CLDN10: variants seen among roughly 807,000 people sequenced by gnomAD.
CLDN10 encodes claudin 10.
Under a neutral mutation model 22.9 loss-of-function variants are expected in CLDN10, and 15 were observed. That is an observed-to-expected ratio of 0.65 (90% CI 0.44 to 1.01). CLDN10 has a LOEUF of 1.01. CLDN10 is among the 50% of genes least tolerant of loss of function. CLDN10 has a pLI of 0.00. For synonymous variants in CLDN10, 114 were observed against 111.4 expected (o/e 1.02, Z -0.15); for missense variants, 247 against 287.8 (o/e 0.86, Z 1.03).
chr13:95,546,240 CAA>C (rs1594602318), intron 1 of CLDN10, among the ~76,000 whole-genome samples: 1 of 152,204 alleles, frequency 6.6e-6, no homozygotes, highest in East Asian at 1.9e-4. Context: ...ACTCTGTACA[CAA>C]AGAGTTGTCT....
At chr13:95,446,198 T>C (rs987996008) in intron 1 of CLDN10, among the ~76,000 whole-genome samples, 2 of 152,060 alleles carry the variant, frequency 1.3e-5, no homozygotes, top group Non-Finnish European at 2.9e-5. Flanking sequence ...CCAGAGGAGG[T>C]CGAGGGGGTT....
At chr13:95,535,356 G>T (rs566639847) in intron 1 of CLDN10, among the ~76,000 whole-genome samples, 1 of 152,128 alleles carries the variant, frequency 6.6e-6, no homozygotes, top group African/African-American at 2.4e-5. Context: ...GGTGATGAGG[G>T]TCTAAACTGG....
chr13:95,500,801 G>A (rs906378767), intron 1 of CLDN10, among the ~76,000 whole-genome samples: 2 of 152,104 alleles, frequency 1.3e-5, no homozygotes, highest in African/African-American at 4.8e-5. Flanking sequence ...ACCATTAAAA[G>A]TTTTTAATTA....
chr13:95,460,240 T>C lies in CLDN10; in HGVS notation c.214+26193T>C, dbSNP rs147356252. ...TTTTCCACATCTTCCTGTCTTCTTTTGAACCTTCCAAACTCTTCCAACCTC... is the reference window on the plus strand; with the variant it reads ...TTTTCCACATCTTCCTGTCTTCTTTCGAACCTTCCAAACTCTTCCAACCTC... On this transcript the variant is annotated intron_variant, in intron 1 of 4. Transcript: ENST00000376873. Among the ~76,000 whole-genome samples the C allele has an allele frequency of 2.2e-4, 34 of 152,332 alleles. No homozygotes were observed. The East Asian group carries it at 6.4e-3, about 29-fold the overall frequency.
chr13:95,455,951 C>G (rs920196624), intron 1 of CLDN10, among the ~76,000 whole-genome samples: 13 of 152,164 alleles, frequency 8.5e-5, no homozygotes, highest in African/African-American at 3.1e-4. Flanking sequence ...TCCAAAACAT[C>G]CTGCAATTTT....
At chr13:95,537,796 A>C (rs944912437) in intron 1 of CLDN10, among the ~76,000 whole-genome samples, 4 of 152,064 alleles carry the variant, frequency 2.6e-5, no homozygotes, top group Non-Finnish European at 5.9e-5. Flanking sequence ...AGCCATGAAC[A>C]CTCACCCACG....
At chr13:95,442,794 C>T (rs935642048) in intron 1 of CLDN10, among the ~76,000 whole-genome samples, 13 of 152,232 alleles carry the variant, frequency 8.5e-5, no homozygotes, top group Non-Finnish European at 1.2e-4. Context: ...GAGCACATTA[C>T]TTAACTTCTC....
intron 1 of CLDN10, among the ~76,000 whole-genome samples, chr13:95,491,450 ATTGCTGAG>A (rs964999007): frequency 6.6e-6 from 1 of 151,786 alleles, no homozygotes; most frequent in Non-Finnish European, 1.5e-5. Context: ...GTTCAATTCT[ATTGCTGAG>A]ACTTTCCAAA....
At chr13:95,531,545 T>G (rs2043342362) in intron 1 of CLDN10, among the ~76,000 whole-genome samples, 1 of 152,092 alleles carries the variant, frequency 6.6e-6, no homozygotes, top group Admixed American at 6.6e-5. Context: ...TTACCTTTTT[T>G]TTTGAGACAG....
At chr13:95,511,523 C>A (rs2043098263) in intron 1 of CLDN10, among the ~76,000 whole-genome samples, 1 of 151,854 alleles carries the variant, frequency 6.6e-6, no homozygotes, top group Non-Finnish European at 1.5e-5. Context: ...CTGCAGTAGG[C>A]AGAGGTGAGA....
chr13:95,472,552 C>T (rs1169677686), intron 1 of CLDN10, among the ~76,000 whole-genome samples: 1 of 151,892 alleles, frequency 6.6e-6, no homozygotes, highest in Non-Finnish European at 1.5e-5. Context: ...TGCCTGTAAT[C>T]CCAGGTACTT....
chr13:95,516,345 T>G (rs2043167672), intron 1 of CLDN10, among the ~76,000 whole-genome samples: 1 of 152,084 alleles, frequency 6.6e-6, no homozygotes, highest in Non-Finnish European at 1.5e-5. Context: ...TCCAACTCTT[T>G]GAGAATTTTG....
rs1241992618 is a variant in CLDN10 at position 95,560,121 on chromosome 13, T to C, written c.221-11T>C. ...GCTTTATGTAACGTAAATGACCTAC[T>C]CTAATTGCAGGTTATATACAGGCAT... On this transcript the variant is annotated splice_polypyrimidine_tract_variant and intron_variant, in intron 1 of 4. Coordinates refer to ENST00000299339, the MANE Select transcript of CLDN10 (RefSeq NM_006984.5). 1.3e-6 allele frequency: 2 copies of C among 1,599,586 alleles called. No homozygotes were observed. Among genetic ancestry groups the C allele is most frequent in the Non-Finnish European group, 1.7e-6 (2 of 1,169,856 alleles).
intron 1 of CLDN10, among the ~76,000 whole-genome samples, chr13:95,460,099 G>C (rs550741683): frequency 1.3e-5 from 2 of 152,152 alleles, no homozygotes; most frequent in African/African-American, 4.8e-5. Flanking sequence ...CTTTATTCCA[G>C]TTCCCAAAAA....
intron 1 of CLDN10, among the ~76,000 whole-genome samples, chr13:95,453,070 G>GGTTTT (rs1281881919): frequency 1.3e-5 from 2 of 151,892 alleles, no homozygotes; most frequent in Non-Finnish European, 2.9e-5. Flanking sequence ...AATGGTTTTT[G>GGTTTT]GTTTTGTTTT....
intron 3 of CLDN10, among the ~76,000 whole-genome samples, chr13:95,575,072 G>A (rs188424915): frequency 3.9e-5 from 6 of 152,086 alleles, no homozygotes; most frequent in African/African-American, 1.4e-4. Flanking sequence ...CATGGTATCT[G>A]GCACTGGCAT....
chr13:95,453,570 G>T, intron 1 of CLDN10, among the ~76,000 whole-genome samples: 1 of 152,100 alleles, frequency 6.6e-6, no homozygotes, highest in East Asian at 1.9e-4. Context: ...TGTAAACCCA[G>T]TTACTAGGGA....
intron 1 of CLDN10, among the ~76,000 whole-genome samples, chr13:95,471,338 G>A (rs934323419): frequency 2.7e-5 from 4 of 147,070 alleles, no homozygotes; most frequent in Admixed American, 2.1e-4. Flanking sequence ...CAGAACTTCA[G>A]CTCTGACTTA....
intron 1 of CLDN10, among the ~76,000 whole-genome samples, chr13:95,535,419 G>A (rs1414396587): frequency 6.6e-6 from 1 of 151,644 alleles, no homozygotes; most frequent in Admixed American, 6.6e-5. Context: ...AGTTCAGAAA[G>A]AGTGTCAACA....
Sources: gnomAD v4.1 joint callset for allele counts (sites outside exome capture counted in the v4.1 genomes callset) on GRCh38, gnomAD v4.1.1 for gene constraint, MANE v1.5 for transcripts, NCBI Gene and HGNC (gene_info 2026-07-23, HGNC 2026-07-21) for gene names.